KDM3A: variants seen among roughly 807,000 people sequenced by gnomAD.
The protein encoded by KDM3A is lysine demethylase 3A.
KDM3A carries 60 observed loss-of-function variants against 158.0 expected under a neutral mutation model. That is an observed-to-expected ratio of 0.38 (90% CI 0.31 to 0.47). The LOEUF is 0.47. Ranked by LOEUF, KDM3A falls within the 20% of genes least tolerant of loss-of-function variation. KDM3A has a pLI of 0.99. For synonymous variants in KDM3A, 608 were observed against 549.3 expected (o/e 1.11, Z -1.49); for missense variants, 1,319 against 1,574.3 (o/e 0.84, Z 2.74).
intron 11 of KDM3A, among the ~76,000 whole-genome samples, chr2:86,473,499 C>CT (rs1673507613): frequency 6.6e-6 from 1 of 152,138 alleles, no homozygotes; most frequent in South Asian, 2.1e-4. Flanking sequence ...AATCGAAGCA[C>CT]TTCAGGAGAC....
At chr2:86,481,189 TTAAAC>T (rs1378680297) in intron 16 of KDM3A, among the ~76,000 whole-genome samples, 60 of 152,340 alleles carry the variant, frequency 3.9e-4, no homozygotes, top group African/African-American at 1.4e-3. Flanking sequence ...AATCAAGAGT[TTAAAC>T]CAAAAAACAA....
intron 12 of KDM3A, among the ~76,000 whole-genome samples, chr2:86,476,538 C>A (rs1163605612): frequency 6.6e-6 from 1 of 151,832 alleles, no homozygotes; most frequent in Non-Finnish European, 1.5e-5. Context: ...AAATATGCCA[C>A]CATACCCAGA....
intron 14 of KDM3A, 144 bp downstream of exon 14, chr2:86,478,409 A>G: frequency 1.2e-6 from 1 of 840,614 alleles, no homozygotes; most frequent in Middle Eastern, 2.3e-4. Flanking sequence ...TAATTCCTCC[A>G]ACACTTTTCG....
chr2:86,456,548 T>C lies in KDM3A; in HGVS notation c.663T>C (p.Leu221=). 1 of 1,609,116 alleles carries C rather than the reference T, an allele frequency of 6.2e-7. No individual in the cohort carries two copies. The highest frequency in any genetic ancestry group is 8.5e-7 in the Non-Finnish European group (1 of 1,178,030). The part of the protein sequence containing the change: ...VINGNPASKT[L]QVNCEEIPAL... ...ATGGAAACCCAGCATCAAAAACTCTTCAAGTCAACTGTGAGGAGGTAAAGA... is the reference window on the plus strand; with the variant it reads ...ATGGAAACCCAGCATCAAAAACTCTCCAAGTCAACTGTGAGGAGGTAAAGA... The change falls in exon 6 of 26, where the codon CTT becomes CTC. Residue 221 remains leucine, a synonymous_variant. Coordinates refer to ENST00000312912, the MANE Select transcript of KDM3A (RefSeq NM_018433.6).
At position 86,489,507 on chromosome 2, in the gene KDM3A, C is replaced by G. The variant is rs757684853; in HGVS notation, c.3434-13C>G. ...GCTTGTGGTCTGATATCTGCTTTCT[C>G]TTCTTGCTCTAGAAGTCCTTAAGAC... On this transcript the variant is annotated splice_polypyrimidine_tract_variant and intron_variant, in intron 22 of 25. Transcript: ENST00000312912. 1 of 1,611,650 alleles carries G rather than the reference C, an allele frequency of 6.2e-7. No homozygotes were observed. The highest frequency in any genetic ancestry group is 8.5e-7 in the Non-Finnish European group (1 of 1,178,932).
chr2:86,489,514 C>T lies in KDM3A; in HGVS notation c.3434-6C>T. 1 of 1,611,700 alleles carries T rather than the reference C, an allele frequency of 6.2e-7. No individual in the cohort carries two copies. The highest frequency in any genetic ancestry group is 8.5e-7 in the Non-Finnish European group (1 of 1,179,040). ...GTCTGATATCTGCTTTCTCTTCTTGCTCTAGAAGTCCTTAAGACCATCCAA... is the reference window on the plus strand; with the variant it reads ...GTCTGATATCTGCTTTCTCTTCTTGTTCTAGAAGTCCTTAAGACCATCCAA... On this transcript the variant is annotated splice_region_variant and splice_polypyrimidine_tract_variant and intron_variant, in intron 22 of 25. Transcript: ENST00000312912.
In KDM3A at chr2:86,491,033, T is replaced by C; in HGVS notation, c.3726T>C (p.Phe1242=). 1 of 1,613,866 alleles carries C rather than the reference T, an allele frequency of 6.2e-7. No individual in the cohort carries two copies. The highest frequency in any genetic ancestry group is 8.5e-7 in the Non-Finnish European group (1 of 1,179,890). Residue 1242 remains phenylalanine, a synonymous_variant, in exon 24 of 26, where the codon TTT becomes TTC. Coordinates refer to ENST00000312912, the MANE Select transcript of KDM3A (RefSeq NM_018433.6). ...TACAGTTTCTTGGGGATGTGGTGTT[T>C]ATCCCGGCAGGAGCTCCACATCAGG... ...AIVQFLGDVV[F]IPAGAPHQVH...
chr2:86,474,663 C>CAAA (rs765315792), intron 11 of KDM3A, 113 bp from the exon 12 acceptor site: 348 of 424,700 alleles, frequency 8.2e-4, no homozygotes, highest in South Asian at 7.8e-3. Flanking sequence ...GACTCCATCC[C>CAAA]AAAAAAAAAA....
intron 4 of KDM3A, among the ~76,000 whole-genome samples, chr2:86,451,614 T>C (rs12714185): frequency 0.81 from 122,627 of 152,102 alleles, 50,057 homozygotes; most frequent in East Asian, 0.96. Flanking sequence ...GTGACAGAGG[T>C]GGAAGGAAAT....
At chr2:86,468,554 A>AACTT (rs59507918) in intron 10 of KDM3A, among the ~76,000 whole-genome samples, 122,293 of 151,532 alleles carry the variant, frequency 0.81, 49,975 homozygotes, top group East Asian at 0.96. Flanking sequence ...AGAAGTGAAA[A>AACTT]ACTTACATCC....
upstream of KDM3A, among the ~76,000 whole-genome samples, chr2:86,439,361 G>A (rs764488314): frequency 6.6e-6 from 1 of 151,786 alleles, no homozygotes; most frequent in Non-Finnish European, 1.5e-5. Flanking sequence ...TTAATTTGCT[G>A]GTATTTTATA....
intron 4 of KDM3A, among the ~76,000 whole-genome samples, chr2:86,452,195 C>CTTT (rs35158232): frequency 2.9e-4 from 40 of 138,648 alleles, no homozygotes; most frequent in African/African-American, 7.3e-4. Flanking sequence ...CATTTTTGTG[C>CTTT]TTTTTTTTTT....
chr2:86,469,201 G>C lies in KDM3A; in HGVS notation c.1520-1003G>C, dbSNP rs77514315. ...AGAGGTAAGATTAGATCACCTCTAA[G>C]GTAATTATTGAAGATGTTTACTTTA... On this transcript the variant is annotated intron_variant, in intron 10 of 25. Transcript: ENST00000312912. Among the ~76,000 whole-genome samples, 872 of 152,224 alleles carry C rather than the reference G, an allele frequency of 5.7e-3. 13 individuals carry two copies. Among genetic ancestry groups the C allele is most frequent in the African/African-American group, 0.02 (824 of 41,530 alleles).
intron 2 of KDM3A, among the ~76,000 whole-genome samples, chr2:86,444,288 C>T (rs112235798): frequency 1.0e-3 from 159 of 152,306 alleles, no homozygotes; most frequent in Non-Finnish European, 2.0e-3. Flanking sequence ...GGTGCCTAAC[C>T]TGAAGACAAC....
At chr2:86,460,403 G>T in intron 8 of KDM3A, among the ~76,000 whole-genome samples, 1 of 152,162 alleles carries the variant, frequency 6.6e-6, no homozygotes, top group Non-Finnish European at 1.5e-5. Context: ...AGAGATAAAG[G>T]GAGCAGTGGG....
chr2:86,442,558 G>T (rs773875407), intron 2 of KDM3A: 13 of 214,406 alleles, frequency 6.1e-5, no homozygotes, highest in Non-Finnish European at 1.0e-4. Flanking sequence ...GTTAGGTAGG[G>T]CCTGTAAGTG....
chr2:86,445,972 C>T (rs1233460327), intron 2 of KDM3A, among the ~76,000 whole-genome samples: 1 of 152,166 alleles, frequency 6.6e-6, no homozygotes, highest in Non-Finnish European at 1.5e-5. Context: ...TGTGCTCCTG[C>T]TTTTAAACTT....
chr2:86,464,016 A>C (rs771788025), intron 8 of KDM3A, 37 bp from the exon 9 acceptor site: 26 of 1,437,396 alleles, frequency 1.8e-5, no homozygotes, highest in Admixed American at 6.8e-5. Context: ...CTAACTAGGG[A>C]CTTCCTTTTA....
chr2:86,453,754 A>G (rs1336131899), intron 4 of KDM3A, among the ~76,000 whole-genome samples: 1 of 152,178 alleles, frequency 6.6e-6, no homozygotes, highest in Non-Finnish European at 1.5e-5. Context: ...AGGTTTGTCT[A>G]ATGTTACTTG....
Sources: gnomAD v4.1 joint callset for allele counts (sites outside exome capture counted in the v4.1 genomes callset) on GRCh38, gnomAD v4.1.1 for gene constraint, MANE v1.5 for transcripts, NCBI Gene and HGNC (gene_info 2026-07-23, HGNC 2026-07-21) for gene names.